The following ADGRL3 variants were observed in gnomAD, a reference collection of about 807,000 sequenced individuals.
The protein encoded by ADGRL3 is calcium-independent alpha-latrotoxin receptor 3.
A neutral mutation model predicts 153.5 loss-of-function variants in ADGRL3; 62 were observed. The observed-to-expected ratio is 0.40, with a 90% confidence interval of 0.33 to 0.50. The LOEUF (loss-of-function observed/expected upper bound fraction) is 0.50, where lower values mean the gene tolerates loss of function less well. Ranked by LOEUF, ADGRL3 falls within the 20% of genes least tolerant of loss-of-function variation. The probability of loss-of-function intolerance (pLI) is 0.47; values close to 1 mark genes in which losing one functional copy is unlikely to be tolerated. For missense variants in ADGRL3, 1,641 were observed against 1,859.4 expected (o/e 0.88, Z 2.16); for synonymous variants, 710 against 672.5 (o/e 1.06, Z -0.86).
intron 2 of ADGRL3, among the ~76,000 whole-genome samples, chr4:61,421,085 TGGATCACCTGAGGCCGAGGTGGGC>T (rs2097200852): frequency 6.6e-6 from 1 of 151,916 alleles, no homozygotes; most frequent in Non-Finnish European, 1.5e-5. Context: ...CCGAGGTGGG[TGGATCACCTGAGGCCGAGGTGGGC>T]GGATCACGAG....
intron 9 of ADGRL3, among the ~76,000 whole-genome samples, chr4:61,835,337 G>GGAAAAAA (rs2097918889): frequency 3.0e-5 from 1 of 33,058 alleles, no homozygotes; most frequent in African/African-American, 1.1e-4. Context: ...TGGCAAGACT[G>GGAAAAAA]AAAAAAAAAA....
At chr4:61,505,386 T>A (rs1360705622) in intron 3 of ADGRL3, among the ~76,000 whole-genome samples, 2 of 152,140 alleles carry the variant, frequency 1.3e-5, no homozygotes, top group Non-Finnish European at 2.9e-5. Context: ...CTCACTTTTT[T>A]ATTGTTATTA....
chr4:61,823,771 T>G (rs2097775850), intron 9 of ADGRL3, among the ~76,000 whole-genome samples: 1 of 152,120 alleles, frequency 6.6e-6, no homozygotes, highest in Non-Finnish European at 1.5e-5. Context: ...CTGTACTAAG[T>G]AATCCATAGG....
chr4:61,614,866 A>G (rs541093754), intron 5 of ADGRL3, among the ~76,000 whole-genome samples: 1 of 152,276 alleles, frequency 6.6e-6, no homozygotes, highest in African/African-American at 2.4e-5. Context: ...CAACTAGAAT[A>G]TCAGCTCTAT....
intron 1 of ADGRL3, among the ~76,000 whole-genome samples, chr4:61,344,017 T>G (rs1247007498): frequency 6.6e-6 from 1 of 152,236 alleles, no homozygotes; most frequent in Admixed American, 6.5e-5. Flanking sequence ...GATGGATTTA[T>G]GCAGCATATC....
chr4:61,342,141 G>A (rs2095819592), intron 1 of ADGRL3, among the ~76,000 whole-genome samples: 1 of 151,916 alleles, frequency 6.6e-6, no homozygotes, highest in South Asian at 2.1e-4. Flanking sequence ...CATTTAGCCG[G>A]CATTTCAAAT....
At chr4:61,470,306 T>C (rs746876997) in intron 2 of ADGRL3, among the ~76,000 whole-genome samples, 6 of 151,880 alleles carry the variant, frequency 4.0e-5, no homozygotes, top group Non-Finnish European at 5.9e-5. Context: ...TCATTCCAGG[T>C]AATATTTTGT....
rs552107239 is a variant in ADGRL3, at chr4:61,892,527, G to C, written c.1481-129G>C. ...TTTGCCATGTTTAAAATGAAAATCA[G>C]GTTGAAGACTTCTAGAGCTTTAAAG... is the stretch of plus-strand genomic sequence containing the variant. On this transcript the variant is annotated intron_variant, in intron 9 of 26. Transcript: ENST00000683033. The C allele has an allele frequency of 7.0e-5, 46 of 661,068 alleles. No homozygotes were observed. The South Asian group carries it at 7.8e-4, about 11-fold the overall frequency. The allele number at this position is 661,068 out of a possible 1,614,324, so 41.0% of individuals were successfully genotyped here.
chr4:62,012,383 T>C (rs2099190798), intron 21 of ADGRL3, among the ~76,000 whole-genome samples: 2 of 152,204 alleles, frequency 1.3e-5, no homozygotes. Context: ...AGTTAGTTCA[T>C]TGACGTTTTA....
At chr4:61,849,563 T>C (rs1316359992) in intron 9 of ADGRL3, among the ~76,000 whole-genome samples, 2 of 152,098 alleles carry the variant, frequency 1.3e-5, no homozygotes, top group Non-Finnish European at 2.9e-5. Flanking sequence ...CTTGACTCTT[T>C]CTATGTAACT....
chr4:61,966,166 G>A (rs2099005871), intron 17 of ADGRL3, among the ~76,000 whole-genome samples: 1 of 152,164 alleles, frequency 6.6e-6, no homozygotes. Flanking sequence ...GTGTGCGTAT[G>A]TGCACATGTA....
intron 2 of ADGRL3, among the ~76,000 whole-genome samples, chr4:61,395,571 G>T (rs1016729847): frequency 6.6e-6 from 1 of 151,716 alleles, no homozygotes; most frequent in Admixed American, 6.6e-5. Context: ...TTTTCTAGCT[G>T]CAGTTAAAAC....
At chr4:61,311,917 G>T (rs976748727) in intron 1 of ADGRL3, among the ~76,000 whole-genome samples, 3 of 152,058 alleles carry the variant, frequency 2.0e-5, no homozygotes, top group Admixed American at 6.6e-5. Context: ...GTCAATGCAG[G>T]TATATTAATT....
chr4:61,277,598 A>G (rs28485953), intron 1 of ADGRL3, among the ~76,000 whole-genome samples: 8 of 152,188 alleles, frequency 5.3e-5, no homozygotes, highest in African/African-American at 1.9e-4. Context: ...ATATAGTGGG[A>G]AAAAAATGCT....
intron 2 of ADGRL3, among the ~76,000 whole-genome samples, chr4:61,430,465 A>G (rs139870759): frequency 6.6e-6 from 1 of 152,324 alleles, no homozygotes; most frequent in Non-Finnish European, 1.5e-5. Context: ...ATTTCAATTT[A>G]AAGTACCACC....
At chr4:61,524,810 CA>C (rs2098550573) in intron 4 of ADGRL3, among the ~76,000 whole-genome samples, 1 of 151,978 alleles carries the variant, frequency 6.6e-6, no homozygotes, top group African/African-American at 2.4e-5. Flanking sequence ...ATGGAAGATC[CA>C]TGAAAAATGT....
intron 2 of ADGRL3, among the ~76,000 whole-genome samples, chr4:61,414,467 T>C (rs1276126500): frequency 1.3e-5 from 2 of 152,124 alleles, no homozygotes; most frequent in Non-Finnish European, 2.9e-5. Flanking sequence ...AGAGAAAATT[T>C]TATTATCTTA....
intron 1 of ADGRL3, among the ~76,000 whole-genome samples, chr4:61,276,111 T>G (rs1050928744): frequency 6.6e-6 from 1 of 152,106 alleles, no homozygotes; most frequent in Non-Finnish European, 1.5e-5. Context: ...AAGAAGTTGA[T>G]TATCTTACTC....
chr4:62,013,553 G>A (rs921450182), intron 21 of ADGRL3, among the ~76,000 whole-genome samples: 2 of 149,650 alleles, frequency 1.3e-5, no homozygotes, highest in South Asian at 2.1e-4. Context: ...AAAAAAAAAA[G>A]AAAGAAAGAA....
Sources: gnomAD v4.1 joint callset for allele counts (sites outside exome capture counted in the v4.1 genomes callset) on GRCh38, gnomAD v4.1.1 for gene constraint, MANE v1.5 for transcripts, NCBI Gene and HGNC (gene_info 2026-07-23, HGNC 2026-07-21) for gene names.